CSNK1G3: variants seen among roughly 807,000 people sequenced by gnomAD.
The protein encoded by CSNK1G3 is casein kinase 1 gamma 3, also known as casein kinase I isoform gamma-3.
CSNK1G3 carries 23 observed loss-of-function variants against 64.3 expected under a neutral mutation model. That is an observed-to-expected ratio of 0.36 (90% CI 0.26 to 0.51). The LOEUF is 0.51. Among genes scored for constraint, CSNK1G3 ranks in the 20% least tolerant of loss-of-function variants. The pLI is 0.96. For missense variants in CSNK1G3, 357 were observed against 510.5 expected, an observed-to-expected ratio of 0.70 and a Z score of 2.90; for synonymous variants, 158 against 162.2, an observed-to-expected ratio of 0.97 and a Z score of 0.20.
At chr5:123,571,457 G>C (rs762581920) in intron 4 of CSNK1G3, among the ~76,000 whole-genome samples, 1 of 152,002 alleles carries the variant, frequency 6.6e-6, no homozygotes, top group African/African-American at 2.4e-5. Flanking sequence ...CCCACCTGCA[G>C]ATGTTCTGCT....
chr5:123,584,745 T>G (rs1790995389), intron 6 of CSNK1G3, among the ~76,000 whole-genome samples: 1 of 152,198 alleles, frequency 6.6e-6, no homozygotes. Context: ...AATAATAAAT[T>G]TAATTTCTTT....
intron 1 of CSNK1G3, among the ~76,000 whole-genome samples, chr5:123,526,615 C>T (rs1487610020): frequency 6.6e-6 from 1 of 152,140 alleles, no homozygotes; most frequent in Non-Finnish European, 1.5e-5. Flanking sequence ...TTTGTTTTCT[C>T]TTTCTATAAT....
intron 4 of CSNK1G3, among the ~76,000 whole-genome samples, chr5:123,569,275 A>G (rs975445939): frequency 1.3e-5 from 2 of 152,196 alleles, no homozygotes; most frequent in Admixed American, 6.5e-5. Flanking sequence ...ATTCTCATCA[A>G]TGTTTTAACC....
Position 123,583,983 on chromosome 5 carries a change from G to A in CSNK1G3, c.674-4085G>A, listed in dbSNP as rs759876238. Among the ~76,000 whole-genome samples, 6 of 152,054 alleles carry A rather than the reference G, an allele frequency of 3.9e-5. No individual in the cohort carries two copies. The East Asian group carries it at 5.8e-4, about 15-fold the overall frequency. ...GCTGAGATTACAGGTGTGAGCCACC[G>A]AGCCTGGCCCCAGTTGATTTTTATG... On this transcript the variant is annotated intron_variant, in intron 6 of 12. Transcript: ENST00000345990.
rs112057908 is a variant in CSNK1G3 at position 123,576,371 on chromosome 5, A to G, written c.673+408A>G. 6.5e-3 allele frequency among the ~76,000 whole-genome samples: 987 copies of G among 152,328 alleles called. 10 individuals are homozygous for G. Among genetic ancestry groups the G allele is most frequent in the African/African-American group, 0.022 (923 of 41,592 alleles). ...AGCCACAGAAATAGCAACTAGCCTA[A>G]TAAGTATAATGCTAACAGCATATAC... On this transcript the variant is annotated intron_variant, in intron 6 of 12. Transcript: ENST00000345990.
exon 6 of CSNK1G3, chr5:123,575,947 C>T: frequency 3.7e-6 from 6 of 1,609,112 alleles, no homozygotes; most frequent in Non-Finnish European, 5.1e-6. Context: ...TGAGCATAAA[C>T]ACACATTTAG....
chr5:123,531,467 C>T (rs1779929605), intron 1 of CSNK1G3, among the ~76,000 whole-genome samples: 1 of 151,852 alleles, frequency 6.6e-6, no homozygotes, highest in South Asian at 2.1e-4. Flanking sequence ...TAGAAGTATG[C>T]CAGTGGCTGA....
chr5:123,547,713 T>C (rs1782812591), intron 2 of CSNK1G3, among the ~76,000 whole-genome samples: 1 of 152,164 alleles, frequency 6.6e-6, no homozygotes, highest in South Asian at 2.1e-4. Flanking sequence ...TGTGTATGTT[T>C]ATTTAAATTT....
chr5:123,546,574 TAAG>T lies in CSNK1G3; in HGVS notation c.178+737_178+739del, dbSNP rs1295175276. On this transcript the variant is annotated intron_variant, in intron 2 of 12. Coordinates refer to ENST00000345990, the Ensembl canonical transcript of CSNK1G3. ...ATGTAGCTTTTCCATTGCAAAAAAC[TAAG>T]AAGGAGGGTGTTATGGTTATAATGG... is the stretch of plus-strand genomic sequence containing the variant. Among the ~76,000 whole-genome samples the T allele has an allele frequency of 2.0e-5, 3 of 152,110 alleles. No homozygotes were observed. The East Asian group carries it at 5.8e-4, about 29-fold the overall frequency.
At chr5:123,532,857 C>A (rs921148976) in intron 1 of CSNK1G3, among the ~76,000 whole-genome samples, 3 of 151,406 alleles carry the variant, frequency 2.0e-5, no homozygotes, top group Admixed American at 1.3e-4. Context: ...AGTCTCTTGC[C>A]CTTTATTTCT....
chr5:123,524,402 C>G (rs1778675364), intron 1 of CSNK1G3, among the ~76,000 whole-genome samples: 2 of 152,212 alleles, frequency 1.3e-5, no homozygotes, highest in Admixed American at 6.5e-5. Flanking sequence ...TAACTTCATG[C>G]CAAAGCGCCT....
intron 12 of CSNK1G3, among the ~76,000 whole-genome samples, chr5:123,608,294 A>AC (rs1315989321): frequency 1.3e-5 from 2 of 152,136 alleles, no homozygotes; most frequent in Admixed American, 6.6e-5. Flanking sequence ...GTTTCCTGAG[A>AC]ATAGTATCTC....
At chr5:123,562,595 T>A (rs1785980840) in intron 4 of CSNK1G3, among the ~76,000 whole-genome samples, 1 of 152,106 alleles carries the variant, frequency 6.6e-6, no homozygotes, top group Admixed American at 6.6e-5. Context: ...CACAAAATTG[T>A]CGTATTATTA....
intron 1 of CSNK1G3, among the ~76,000 whole-genome samples, chr5:123,521,213 A>T (rs1778035441): frequency 6.6e-6 from 1 of 152,122 alleles, no homozygotes; most frequent in Non-Finnish European, 1.5e-5. Flanking sequence ...TATTTTAGGG[A>T]ATCTGACAAC....
chr5:123,560,164 A>G (rs1375419288), intron 4 of CSNK1G3, among the ~76,000 whole-genome samples: 2 of 152,186 alleles, frequency 1.3e-5, no homozygotes, highest in Non-Finnish European at 2.9e-5. Context: ...GCTGGAAACC[A>G]TGAGATACCA....
chr5:123,547,841 T>G (rs1053507678), intron 2 of CSNK1G3, among the ~76,000 whole-genome samples: 2 of 152,160 alleles, frequency 1.3e-5, no homozygotes, highest in African/African-American at 4.8e-5. Flanking sequence ...GGTATTTTAC[T>G]GCTTTTTCAA....
intron 1 of CSNK1G3, among the ~76,000 whole-genome samples, chr5:123,519,865 G>A (rs1777788681): frequency 6.6e-6 from 1 of 152,168 alleles, no homozygotes; most frequent in Admixed American, 6.5e-5. Flanking sequence ...CTCTTTCTGA[G>A]TAAGAATTAG....
chr5:123,556,544 C>G (rs1339884976), intron 3 of CSNK1G3, among the ~76,000 whole-genome samples: 1 of 151,912 alleles, frequency 6.6e-6, no homozygotes, highest in African/African-American at 2.4e-5. Context: ...ATTCTCTCTT[C>G]TGTTAATCTG....
exon 2 of CSNK1G3, chr5:123,545,472 G>A: frequency 2.2e-6 from 1 of 451,190 alleles, no homozygotes; most frequent in South Asian, 6.0e-5. Flanking sequence ...GACATGTTTT[G>A]CTGAAAAGAC....
Sources: gnomAD v4.1 joint callset for allele counts (sites outside exome capture counted in the v4.1 genomes callset) on GRCh38, gnomAD v4.1.1 for gene constraint, MANE v1.5 for transcripts, NCBI Gene and HGNC (gene_info 2026-07-23, HGNC 2026-07-21) for gene names.